Variants in SYNPO observed in about 807,000 individuals in gnomAD.
The protein encoded by SYNPO is synaptopodin.
SYNPO carries 19 observed loss-of-function variants against 49.5 expected under a neutral mutation model. That is an observed-to-expected ratio of 0.38 (90% CI 0.27 to 0.56). The LOEUF (loss-of-function observed/expected upper bound fraction) is 0.56. Ranked by LOEUF, SYNPO falls within the 20% of genes least tolerant of loss-of-function variation. SYNPO has a pLI of 0.68. For missense variants in SYNPO, 1,131 were observed against 1,248.3 expected, an observed-to-expected ratio of 0.91 and a Z score of 1.42; for synonymous variants, 536 against 548.0, an observed-to-expected ratio of 0.98 and a Z score of 0.31.
upstream of SYNPO, among the ~76,000 whole-genome samples, chr5:150,596,591 A>G (rs977945956): frequency 9.2e-5 from 14 of 152,082 alleles, no homozygotes; most frequent in African/African-American, 3.4e-4. Context: ...ATTACCAGTG[A>G]TCTGATCAGG....
intron 1 of SYNPO, among the ~76,000 whole-genome samples, chr5:150,601,829 C>T (rs1756550744): frequency 1.3e-5 from 2 of 152,204 alleles, no homozygotes; most frequent in South Asian, 4.1e-4. Context: ...TTTCTTTCAG[C>T]CCAGCTCAGT....
chr5:150,618,333 C>G (rs540432400), exon 2 of SYNPO: 311 of 1,512,930 alleles, frequency 2.1e-4, no homozygotes, highest in Admixed American at 6.0e-4. Flanking sequence ...GGCCCAGGAG[C>G]CTGCTTCCCT....
At chr5:150,624,562 G>T (rs1240070221) in intron 2 of SYNPO, among the ~76,000 whole-genome samples, 3 of 150,570 alleles carry the variant, frequency 2.0e-5, no homozygotes, top group East Asian at 3.9e-4. Context: ...AGGTGCCCCC[G>T]CCTGGAGATG....
intron 1 of SYNPO, among the ~76,000 whole-genome samples, chr5:150,612,776 T>C (rs531830254): frequency 6.6e-6 from 1 of 152,260 alleles, no homozygotes; most frequent in East Asian, 1.9e-4. Context: ...GTTTTGTTCT[T>C]CTTTTCTTTT....
At chr5:150,643,331 GGTTT>G (rs1359981592) in intron 1 of SYNPO, among the ~76,000 whole-genome samples, 1 of 152,168 alleles carries the variant, frequency 6.6e-6, no homozygotes, top group Non-Finnish European at 1.5e-5. Flanking sequence ...GTGATTTGTA[GGTTT>G]GTTTTGGAAA....
chr5:150,624,933 G>C (rs1456387977), intron 2 of SYNPO: 1 of 985,434 alleles, frequency 1.0e-6, no homozygotes, highest in Non-Finnish European at 1.2e-6. Context: ...TGGCCTGGCA[G>C]GGGTGCGGGC....
Position 150,650,012 on chromosome 5 carries a change from G to A in SYNPO, c.1737G>A (p.Glu579=). 1 of 1,612,456 alleles carries A rather than the reference G, an allele frequency of 6.2e-7. No individual in the cohort carries two copies. The highest frequency in any genetic ancestry group is 8.5e-7 in the Non-Finnish European group (1 of 1,179,976). ...TCTTTGTCCTCTCACCTATCAAGGAGCCTGCCAAGGTCTCACCAAGAGCTG... is the reference window on the plus strand; with the variant it reads ...TCTTTGTCCTCTCACCTATCAAGGAACCTGCCAAGGTCTCACCAAGAGCTG... ...PSLFVLSPIK[E]PAKVSPRAAS... Residue 579 remains glutamate, a synonymous_variant, in exon 2 of 3, where the codon GAG becomes GAA. Transcript: ENST00000307662.
the SYNPO span, among the ~76,000 whole-genome samples, chr5:150,589,359 C>T: frequency 6.6e-6 from 1 of 152,148 alleles, no homozygotes; most frequent in Non-Finnish European, 1.5e-5. Context: ...CCACCACACC[C>T]AGCCTTACAG....
chr5:150,601,327 G>A (rs1012520732), intron 1 of SYNPO: 1 of 152,268 alleles, frequency 6.6e-6, no homozygotes, highest in Non-Finnish European at 1.5e-5. Context: ...GCCCTGGCAG[G>A]GCCTGGCTGT....
intron 1 of SYNPO, among the ~76,000 whole-genome samples, chr5:150,604,164 C>A (rs1021918733): frequency 6.6e-6 from 1 of 152,204 alleles, no homozygotes; most frequent in African/African-American, 2.4e-5. Context: ...TACCCAAGGC[C>A]AAGGGCAAAC....
the SYNPO span, among the ~76,000 whole-genome samples, chr5:150,587,121 T>A: frequency 2.0e-5 from 3 of 152,062 alleles, no homozygotes; most frequent in Non-Finnish European, 1.5e-5. Context: ...TATGGATGCA[T>A]GGATGAGTAT....
At position 150,650,138 on chromosome 5, in the gene SYNPO, G is replaced by C. The variant is rs61741920; in HGVS notation, c.1863G>C (p.Pro621=). The change falls in exon 2 of 3, where the codon CCG becomes CCC. Residue 621 remains proline, a synonymous_variant. Transcript: ENST00000307662. ...PALPRPSRSS[P]GLYTSPGQDS... Reference sequence around the variant, plus strand: ...TGCCTCGGCCCTCGCGCTCCTCACCGGGCCTCTACACCTCCCCCGGCCAGG... The same window carrying C: ...TGCCTCGGCCCTCGCGCTCCTCACCCGGCCTCTACACCTCCCCCGGCCAGG... The C allele has an allele frequency of 2.5e-5, 40 of 1,612,690 alleles. 1 individual carries two copies. In the East Asian group the frequency reaches 8.9e-4, roughly 36 times the overall value.
intron 2 of SYNPO, among the ~76,000 whole-genome samples, chr5:150,628,151 G>A (rs2151383694): frequency 1.3e-5 from 2 of 152,216 alleles, no homozygotes; most frequent in East Asian, 3.9e-4. Flanking sequence ...CATGGAAGCA[G>A]CCTGTAGGCC....
the SYNPO span, among the ~76,000 whole-genome samples, chr5:150,595,496 C>T: frequency 6.6e-6 from 1 of 152,186 alleles, no homozygotes; most frequent in African/African-American, 2.4e-5. Flanking sequence ...CGGCATAGGC[C>T]ACTCTCTGGG....
chr5:150,651,868 C>T, intron 2 of SYNPO: 1 of 1,000,464 alleles, frequency 1.0e-6, no homozygotes, highest in Non-Finnish European at 1.2e-6. Context: ...GATACAGCCC[C>T]CGACCAAACC....
chr5:150,632,801 G>A (rs370954425), intron 2 of SYNPO, among the ~76,000 whole-genome samples: 1 of 152,140 alleles, frequency 6.6e-6, no homozygotes, highest in Admixed American at 6.5e-5. Context: ...GGGTGGTGAG[G>A]AGAGAACATA....
rs11954394 is a variant in SYNPO at position 150,629,737 on chromosome 5, A to T, written c.400+10970A>T. 7.5e-3 allele frequency among the ~76,000 whole-genome samples: 1,148 copies of T among 152,328 alleles called. 14 individuals are homozygous for T. The highest frequency in any genetic ancestry group is 0.026 in the African/African-American group (1,074 of 41,564). ...GATTGTTTACTGTTATTTACTATGTACCATGGGTGCTTTAAGTTCTTTACG... is the reference window on the plus strand; with the variant it reads ...GATTGTTTACTGTTATTTACTATGTTCCATGGGTGCTTTAAGTTCTTTACG... On this transcript the variant is annotated intron_variant, in intron 2 of 2. Coordinates refer to the SYNPO transcript ENST00000394243.
intron 1 of SYNPO, among the ~76,000 whole-genome samples, chr5:150,605,917 G>A (rs748960553): frequency 2.6e-5 from 4 of 151,580 alleles, no homozygotes; most frequent in Non-Finnish European, 4.4e-5. Context: ...GCATACATAC[G>A]TACCCAGAGA....
exon 2 of SYNPO, chr5:150,618,457 C>T: frequency 6.4e-7 from 1 of 1,551,700 alleles, no homozygotes; most frequent in Non-Finnish European, 8.7e-7. Flanking sequence ...ATGGAAGCTA[C>T]AGGTGTCTGG....
Sources: gnomAD v4.1 joint callset for allele counts (sites outside exome capture counted in the v4.1 genomes callset) on GRCh38, gnomAD v4.1.1 for gene constraint, MANE v1.5 for transcripts, NCBI Gene and HGNC (gene_info 2026-07-23, HGNC 2026-07-21) for gene names.